TMEM132D: variants seen among roughly 807,000 people sequenced by gnomAD.
TMEM132D encodes transmembrane protein 132D, also known as mature OL transmembrane protein.
In TMEM132D, 21 loss-of-function variants were observed where a neutral mutation model predicts 62.3. That is an observed-to-expected ratio of 0.34 (90% CI 0.24 to 0.49). The LOEUF (loss-of-function observed/expected upper bound fraction) is 0.49, where lower values mean the gene tolerates loss of function less well. Ranked by LOEUF, TMEM132D falls within the 20% of genes least tolerant of loss-of-function variation. The probability of loss-of-function intolerance (pLI) is 0.99; values close to 1 mark genes in which losing one functional copy is unlikely to be tolerated. For missense variants in TMEM132D, 1,346 were observed against 1,402.8 expected, an observed-to-expected ratio of 0.96 and a Z score of 0.65; for synonymous variants, 621 against 575.6, an observed-to-expected ratio of 1.08 and a Z score of -1.13.
At chr12:129,536,254 G>A (rs780840263) in intron 2 of TMEM132D, among the ~76,000 whole-genome samples, 4 of 152,108 alleles carry the variant, frequency 2.6e-5, no homozygotes, top group African/African-American at 4.8e-5. Flanking sequence ...CCCACCAAAG[G>A]GTGCCACACT....
chr12:129,522,623 G>C (rs986047563), intron 3 of TMEM132D: 1 of 152,170 alleles, frequency 6.6e-6, no homozygotes, highest in Non-Finnish European at 1.5e-5. Flanking sequence ...GGAAATGGCT[G>C]TCGCAAAGAA....
intron 2 of TMEM132D, among the ~76,000 whole-genome samples, chr12:129,699,568 GC>G (rs138904794): frequency 0.01 from 1,594 of 152,280 alleles, 34 homozygotes; most frequent in African/African-American, 0.037. Flanking sequence ...ACCATCAGCA[GC>G]CCCCCGGCTG....
chr12:129,531,605 C>A (rs1302951090), intron 2 of TMEM132D, among the ~76,000 whole-genome samples: 3 of 152,146 alleles, frequency 2.0e-5, no homozygotes, highest in Admixed American at 6.6e-5. Context: ...AACGCACATT[C>A]ATTGAATGTC....
At chr12:129,104,674 A>G (rs1367171124) in intron 5 of TMEM132D, among the ~76,000 whole-genome samples, 2 of 151,698 alleles carry the variant, frequency 1.3e-5, no homozygotes, top group African/African-American at 4.9e-5. Flanking sequence ...AGAATCTACA[A>G]TGAACTCAAA....
At chr12:129,157,897 T>A (rs1185991410) in intron 5 of TMEM132D, among the ~76,000 whole-genome samples, 1 of 152,078 alleles carries the variant, frequency 6.6e-6, no homozygotes, top group African/African-American at 2.4e-5. Context: ...AAGGCCCAAT[T>A]AGGGGAGTGA....
At chr12:129,213,503 AACAAAAC>A (rs1412020852) in intron 4 of TMEM132D, among the ~76,000 whole-genome samples, 1 of 150,280 alleles carries the variant, frequency 6.7e-6, no homozygotes, top group African/African-American at 2.5e-5. Flanking sequence ...TCTCAAAACA[AACAAAAC>A]AAAACAAAAC....
intron 2 of TMEM132D, among the ~76,000 whole-genome samples, chr12:129,615,880 G>A (rs552679296): frequency 6.6e-5 from 10 of 151,976 alleles, no homozygotes; most frequent in South Asian, 2.1e-4. Flanking sequence ...TGCTACCCCC[G>A]TCCCAGAGCC....
intron 2 of TMEM132D, among the ~76,000 whole-genome samples, chr12:129,533,170 G>A (rs1876277713): frequency 6.6e-6 from 1 of 152,194 alleles, no homozygotes; most frequent in South Asian, 2.1e-4. Context: ...CATTATTTCT[G>A]TGGGGAAAAT....
intron 2 of TMEM132D, among the ~76,000 whole-genome samples, chr12:129,585,104 GATCAATACAC>G (rs1302508859): frequency 6.6e-6 from 1 of 152,206 alleles, no homozygotes; most frequent in Non-Finnish European, 1.5e-5. Context: ...ATATAACACT[GATCAATACAC>G]AGTGTCTTCA....
At chr12:129,444,081 C>T (rs1367583313) in intron 3 of TMEM132D, among the ~76,000 whole-genome samples, 1 of 152,106 alleles carries the variant, frequency 6.6e-6, no homozygotes, top group Non-Finnish European at 1.5e-5. Context: ...AAACTGGACC[C>T]TTTCCTTCCA....
chr12:129,429,354 T>A (rs1002870788), intron 3 of TMEM132D, among the ~76,000 whole-genome samples: 1 of 150,736 alleles, frequency 6.6e-6, no homozygotes, highest in Admixed American at 6.6e-5. Context: ...ATAGAGGAAA[T>A]TGCTTTATAG....
chr12:129,609,043 C>A (rs373959864), intron 2 of TMEM132D, among the ~76,000 whole-genome samples: 3 of 151,720 alleles, frequency 2.0e-5, no homozygotes, highest in East Asian at 3.9e-4. Context: ...TGGGTTCCAG[C>A]GATTCTCCTG....
At chr12:129,369,416 T>C (rs1452847256) in intron 3 of TMEM132D, among the ~76,000 whole-genome samples, 2 of 152,162 alleles carry the variant, frequency 1.3e-5, no homozygotes, top group Non-Finnish European at 2.9e-5. Context: ...GTATTCACAG[T>C]CGGACACCTC....
At chr12:129,095,704 A>G (rs1195390542) in intron 5 of TMEM132D, among the ~76,000 whole-genome samples, 3 of 152,042 alleles carry the variant, frequency 2.0e-5, no homozygotes, top group African/African-American at 7.2e-5. Context: ...CAGGGTAGAG[A>G]GACACCAGGG....
At chr12:129,202,708 T>C (rs562288620) in intron 5 of TMEM132D, among the ~76,000 whole-genome samples, 31 of 152,254 alleles carry the variant, frequency 2.0e-4, no homozygotes, top group African/African-American at 6.0e-4. Flanking sequence ...AGACTGGAGA[T>C]GTGGCCACCT....
At chr12:129,307,918 T>C (rs1881882682) in intron 4 of TMEM132D, among the ~76,000 whole-genome samples, 1 of 152,194 alleles carries the variant, frequency 6.6e-6, no homozygotes, top group African/African-American at 2.4e-5. Context: ...TCCTAACTAT[T>C]ACACTAGGAA....
At chr12:129,223,380 A>T (rs1879398692) in intron 4 of TMEM132D, among the ~76,000 whole-genome samples, 1 of 152,156 alleles carries the variant, frequency 6.6e-6, no homozygotes. Flanking sequence ...AGCCCTGGCC[A>T]CATGGAGAGG....
chr12:129,678,425 T>C (rs1880693468), intron 2 of TMEM132D, among the ~76,000 whole-genome samples: 1 of 152,150 alleles, frequency 6.6e-6, no homozygotes, highest in South Asian at 2.1e-4. Flanking sequence ...TTTTATATAG[T>C]TGTTGGCTAT....
intron 3 of TMEM132D, chr12:129,522,392 C>T (rs1032521619): frequency 6.6e-6 from 1 of 152,008 alleles, no homozygotes; most frequent in Non-Finnish European, 1.5e-5. Context: ...TCTTTCATTT[C>T]TTTTTTTAAT....
Sources: allele counts gnomAD v4.1 joint callset (sites outside exome capture counted in the v4.1 genomes callset), GRCh38; gene constraint gnomAD v4.1.1; transcripts MANE v1.5; gene names NCBI Gene and HGNC (gene_info 2026-07-23, HGNC 2026-07-21).